Variants in RBM28 observed in about 807,000 individuals in gnomAD.
RBM28 encodes RNA binding motif protein 28.
Under a neutral mutation model 98.3 loss-of-function variants are expected in RBM28, and 78 were observed. The ratio of observed to expected loss-of-function variants is 0.79; its 90% CI spans 0.66 to 0.96. The LOEUF is 0.96. Among genes scored for constraint, RBM28 ranks in the 40% least tolerant of loss-of-function variants. The pLI is 0.00. For missense variants in RBM28, 838 were observed against 913.0 expected (o/e 0.92, Z 1.06); for synonymous variants, 306 against 330.9 (o/e 0.92, Z 0.82).
chr7:128,338,403 A>C, intron 4 of RBM28, 61 bp from the exon 5 acceptor site: 2 of 1,399,364 alleles, frequency 1.4e-6, no homozygotes, highest in Non-Finnish European at 2.0e-6. Flanking sequence ...GAATACTAAG[A>C]AGTAAATTAC....
chr7:128,322,313 C>T (rs2116343922), intron 13 of RBM28, among the ~76,000 whole-genome samples: 1 of 152,328 alleles, frequency 6.6e-6, no homozygotes, highest in African/African-American at 2.4e-5. Flanking sequence ...TGCCACAAAA[C>T]CCCAGTTCCT....
intron 1 of RBM28, among the ~76,000 whole-genome samples, chr7:128,341,583 T>C (rs1416642842): frequency 2.0e-5 from 3 of 152,164 alleles, no homozygotes; most frequent in African/African-American, 7.2e-5. Context: ...CCAGTACATA[T>C]CAGCTGTCTG....
At chr7:128,339,401 T>G in intron 2 of RBM28, 80 bp from the exon 3 acceptor site, 2 of 1,249,858 alleles carry the variant, frequency 1.6e-6, no homozygotes, top group Non-Finnish European at 2.3e-6. Flanking sequence ...AAAAAGCTAC[T>G]GGCGACAGAT....
intron 18 of RBM28, among the ~76,000 whole-genome samples, chr7:128,312,002 G>A (rs1369772138): frequency 6.6e-6 from 1 of 152,178 alleles, no homozygotes; most frequent in African/African-American, 2.4e-5. Context: ...GGAGGGATAA[G>A]GCAGATAATC....
rs1795817523 is a variant in RBM28 at position 128,304,035 on chromosome 7, C to T, written c.*6762G>A. 1 of 152,172 alleles carries T rather than the reference C, an allele frequency of 6.6e-6. No individual in the cohort carries two copies. Among genetic ancestry groups the T allele is most frequent in the East Asian group, 1.9e-4 (1 of 5,198 alleles). 9.4% of individuals were successfully genotyped at this position (152,172 alleles called of 1,614,324 possible). On this transcript the variant is annotated 3_prime_UTR_variant, in exon 19 of 19. Transcript: ENST00000223073. ...GACATCTCAAAGAGTGGGCTGGCCA[C>T]TCCCAGAACCTGTGTAAGCAGGAAA...
intron 16 of RBM28, 101 bp downstream of exon 16, chr7:128,317,558 A>G (rs980330698): frequency 3.2e-6 from 3 of 933,946 alleles, no homozygotes; most frequent in African/African-American, 3.2e-5. Flanking sequence ...GAGCAAAAAA[A>G]CCTAACTGAG....
At chr7:128,336,181 G>A (rs1238011508) in intron 6 of RBM28, 139 bp from the exon 7 acceptor site, 1 of 783,800 alleles carries the variant, frequency 1.3e-6, no homozygotes, top group Non-Finnish European at 2.0e-6. Flanking sequence ...GCATATAACA[G>A]GAGAAAGTAT....
At chr7:128,343,509 A>T (rs930814169) in intron 1 of RBM28, among the ~76,000 whole-genome samples, 167 bp downstream of exon 1, 1 of 152,168 alleles carries the variant, frequency 6.6e-6, no homozygotes, top group Admixed American at 6.5e-5. Context: ...CCCTTCATAA[A>T]CTGACTCCTA....
At position 128,314,878 on chromosome 7, in the gene RBM28, G is replaced by A. The variant is rs1480253100; in HGVS notation, c.1931C>T (p.Ser644Phe). Residue 644 changes from serine (S) to phenylalanine (F), a missense_variant, in exon 17 of 19, where the codon TCT (serine) becomes TTT (phenylalanine). Ser to Phe is a radical substitution (Grantham distance 155). Transcript: ENST00000223073. ...VPPEQKRKAGSTSWTGFQTKA... is the reference protein window; with the variant it reads ...VPPEQKRKAGFTSWTGFQTKA... Reference sequence around the variant, plus strand: ...GGTCTGGAACCCGGTCCATGAGGTAGAGCCCGCCTTTCTCTTCTGCTCTGG... The same window carrying A: ...GGTCTGGAACCCGGTCCATGAGGTAAAGCCCGCCTTTCTCTTCTGCTCTGG... The A allele has an allele frequency of 8.1e-6, 13 of 1,614,158 alleles. No individual in the cohort carries two copies. The highest frequency in any genetic ancestry group is 1.1e-5 in the Non-Finnish European group (13 of 1,180,034).
rs1562956104 is a variant in RBM28, at chr7:128,330,842, T to A, written c.1106A>T (p.His369Leu). ...GELKYVRIVL[H>L]PDTEHSKGCA... Reference sequence around the variant, plus strand: ...ACCTTTAGAATGCTCTGTGTCTGGATGCAAGACAATGCGGACATATTTGAG... The same window carrying A: ...ACCTTTAGAATGCTCTGTGTCTGGAAGCAAGACAATGCGGACATATTTGAG... The change falls in exon 10 of 19, where the codon CAT (histidine) becomes CTT (leucine). Residue 369 changes from histidine to leucine, a missense_variant. His to Leu is a moderately conservative substitution (Grantham distance 99). Transcript: ENST00000223073. 1 of 1,613,920 alleles carries A rather than the reference T, an allele frequency of 6.2e-7. No individual in the cohort carries two copies.
chr7:128,311,035 T>TTA, intron 18 of RBM28, 104 bp from the exon 19 acceptor site: 1 of 1,175,114 alleles, frequency 8.5e-7, no homozygotes, highest in Non-Finnish European at 1.2e-6. Context: ...ACAGAGATCA[T>TTA]ATCTACCAGA....
chr7:128,317,697 T>C lies in RBM28; in HGVS notation c.1750A>G (p.Lys584Glu). 1 of 1,609,138 alleles carries C rather than the reference T, an allele frequency of 6.2e-7. No individual in the cohort carries two copies. Among genetic ancestry groups the C allele is most frequent in the Non-Finnish European group, 8.5e-7 (1 of 1,175,474 alleles). The change falls in exon 16 of 19, where the codon AAA becomes GAA. Residue 584 changes from lysine to glutamate, a missense_variant. By Grantham distance (56) the Lys-to-Glu change is moderately conservative. Coordinates refer to ENST00000223073, the MANE Select transcript of RBM28 (RefSeq NM_018077.3). ...ATCCTTAATTCCTTCATTTTAAGTT[T>C]TCTTCGATCTTCTAAAGAGAACTCC... ...IVEFSLEDRRKLKMKELRIQR... is the reference protein window; with the variant it reads ...IVEFSLEDRRELKMKELRIQR...
chr7:128,317,818 C>T (rs1796137116), intron 15 of RBM28, 85 bp from the exon 16 acceptor site: 3 of 1,497,976 alleles, frequency 2.0e-6, no homozygotes, highest in Admixed American at 1.7e-5. Flanking sequence ...CACACATCCT[C>T]CCCCAACCCA....
Position 128,310,917 on chromosome 7 carries a change from T to G in RBM28, c.2160A>C (p.Lys720Asn), listed in dbSNP as rs2116316616. 6.2e-7 allele frequency: 1 copy of G among 1,613,052 alleles called. No homozygotes were observed. The highest frequency in any genetic ancestry group is 8.5e-7 in the Non-Finnish European group (1 of 1,179,026). ...GGGTTTCCGTCTTATTTCCCTTAGC[T>G]TTTTTCCTAGATACCTACAAATGAA... ...QLSSEQVSRK[K>N]AKGNKTETRF... is the part of the protein sequence containing the mutation. Residue 720 changes from lysine to asparagine, a missense_variant, in exon 19 of 19, where the codon AAA becomes AAC. Coordinates refer to ENST00000223073, the MANE Select transcript of RBM28 (RefSeq NM_018077.3).
At chr7:128,330,308 T>C (rs1222507343) in intron 10 of RBM28, among the ~76,000 whole-genome samples, 1 of 150,002 alleles carries the variant, frequency 6.7e-6, no homozygotes, top group Non-Finnish European at 1.5e-5. Flanking sequence ...GACAAAATTA[T>C]GGCTAGCAGC....
Position 128,343,776 on chromosome 7 carries a change from T to A in RBM28, c.18A>T (p.Leu6Phe), listed in dbSNP as rs763822170. The A allele has an allele frequency of 6.2e-7, 1 of 1,607,750 alleles. No homozygotes were observed. The highest frequency in any genetic ancestry group is 1.7e-5 in the Admixed American group (1 of 59,282). Reference sequence around the variant, plus strand: ...CCGAGGGCGGGAGGCGGCCCACAAATAAGGTCAGGCCGGCCATGAGACCGG... The same window carrying A: ...CCGAGGGCGGGAGGCGGCCCACAAAAAAGGTCAGGCCGGCCATGAGACCGG... MAGLTLFVGRLPPSAR... is the reference protein window; with the variant it reads MAGLTFFVGRLPPSAR... The change falls in exon 1 of 19, where the codon TTA becomes TTT. Residue 6 changes from leucine to phenylalanine, a missense_variant. Leu to Phe is a conservative substitution (Grantham distance 22, BLOSUM62 0). Coordinates refer to ENST00000223073, the MANE Select transcript of RBM28 (RefSeq NM_018077.3).
rs1795724705 is a variant in RBM28 at position 128,297,792 on chromosome 7, T to C, written c.*13005A>G. 1 of 151,988 alleles carries C rather than the reference T, an allele frequency of 6.6e-6. No homozygotes were observed. Among genetic ancestry groups the C allele is most frequent in the South Asian group, 2.1e-4 (1 of 4,810 alleles). 9.4% of individuals were successfully genotyped at this position (151,988 alleles called of 1,614,324 possible). The stretch of plus-strand genomic sequence containing the variant: ...CTGGATTAAGAAAATGTGGCACATA[T>C]ACACATATGCAGCCATAAAAAATGA... On this transcript the variant is annotated 3_prime_UTR_variant, in exon 19 of 19. Transcript: ENST00000223073.
intron 18 of RBM28, among the ~76,000 whole-genome samples, chr7:128,311,520 G>A (rs1795985125): frequency 6.6e-6 from 1 of 152,190 alleles, no homozygotes; most frequent in Non-Finnish European, 1.5e-5. Flanking sequence ...GACTGGGGAA[G>A]AGGTACCTGA....
chr7:128,342,578 A>G (rs1796749387), intron 1 of RBM28, among the ~76,000 whole-genome samples: 1 of 152,136 alleles, frequency 6.6e-6, no homozygotes. Context: ...GCTACTTGGG[A>G]GGCTGAGGCA....
Sources: allele counts gnomAD v4.1 joint callset (sites outside exome capture counted in the v4.1 genomes callset), GRCh38; gene constraint gnomAD v4.1.1; transcripts MANE v1.5; gene names NCBI Gene and HGNC (gene_info 2026-07-23, HGNC 2026-07-21).